CLECL1: variants seen among roughly 807,000 people sequenced by gnomAD.
CLECL1 encodes C-type lectin-like domain family 1.
intron 3 of CLECL1, among the ~76,000 whole-genome samples, chr12:9,723,707 AT>A (rs1325604214): frequency 6.6e-6 from 1 of 152,208 alleles, no homozygotes; most frequent in Non-Finnish European, 1.5e-5. Flanking sequence ...TGAAGAATCA[AT>A]TCCATAAAAT....
At chr12:9,727,599 A>G (rs1866395181) in exon 3 of CLECL1, among the ~76,000 whole-genome samples, 2 of 151,838 alleles carry the variant, frequency 1.3e-5, no homozygotes, top group Non-Finnish European at 3.0e-5. Context: ...TATTTTCCCC[A>G]GTACAGTTTT....
At chr12:9,711,881 T>C (rs1565478980), downstream of CLECL1, among the ~76,000 whole-genome samples, 1 of 152,212 alleles carries the variant, frequency 6.6e-6, no homozygotes, top group Non-Finnish European at 1.5e-5. Flanking sequence ...ATTCCTACAA[T>C]GATAGTTAAT....
the CLECL1 span, among the ~76,000 whole-genome samples, chr12:9,703,267 ATGT>A: frequency 6.6e-6 from 1 of 152,166 alleles, no homozygotes; most frequent in African/African-American, 2.4e-5. Flanking sequence ...CAGCTGTTAA[ATGT>A]TGTTCCTCCA....
downstream of CLECL1, chr12:9,722,575 C>G: frequency 6.6e-7 from 1 of 1,514,946 alleles, no homozygotes; most frequent in Non-Finnish European, 8.8e-7. Flanking sequence ...AGACTTTTGC[C>G]AAGTTTGTAG....
Position 9,732,946 on chromosome 12 carries a change from T to C in CLECL1, n.82+3A>G, listed in dbSNP as rs1866465678. 6.3e-7 allele frequency: 1 copy of C among 1,594,476 alleles called. No individual in the cohort carries two copies. Among genetic ancestry groups the C allele is most frequent in the Non-Finnish European group, 8.6e-7 (1 of 1,167,562 alleles). On this transcript the variant is annotated splice_donor_region_variant and intron_variant and non_coding_transcript_variant, in intron 1 of 3. Transcript: ENST00000621400. ...TCTCAAAGGCACCCTAAATCCAGCT[T>C]ACCAGATCTCTGAAGTGGAAACGCG...
chr12:9,728,765 A>G (rs1201669518), intron 2 of CLECL1, among the ~76,000 whole-genome samples: 1 of 151,950 alleles, frequency 6.6e-6, no homozygotes, highest in African/African-American at 2.4e-5. Context: ...TAGTTACATT[A>G]AAGTAGTTAA....
chr12:9,732,933 C>A lies in CLECL1; in HGVS notation n.82+16G>T, dbSNP rs1016617605. On this transcript the variant is annotated intron_variant and non_coding_transcript_variant, in intron 1 of 3. Transcript: ENST00000621400. ...GTAAAATCTTAATTCTCAAAGGCAC[C>A]CTAAATCCAGCTTACCAGATCTCTG... 8 of 1,569,660 alleles carry A rather than the reference C, an allele frequency of 5.1e-6. No individual in the cohort carries two copies. Among genetic ancestry groups the A allele is most frequent in the Admixed American group, 1.9e-5 (1 of 53,928 alleles).
At chr12:9,716,786 A>G (rs965493898) in intron 2 of CLECL1, 3 of 1,267,622 alleles carry the variant, frequency 2.4e-6, no homozygotes, top group Non-Finnish European at 3.1e-6. Context: ...TCTAGATTTG[A>G]GAGGAGAAAG....
exon 4 of CLECL1, chr12:9,722,755 A>G: frequency 1.9e-6 from 3 of 1,613,906 alleles, no homozygotes; most frequent in Non-Finnish European, 2.5e-6. Flanking sequence ...ATTTTCCCTT[A>G]TGCACCTTCC....
At chr12:9,719,975 T>C (rs1449463558), downstream of CLECL1, among the ~76,000 whole-genome samples, 1 of 152,166 alleles carries the variant, frequency 6.6e-6, no homozygotes, top group Non-Finnish European at 1.5e-5. Context: ...AGCATTCTCT[T>C]TTACTCCTTT....
At chr12:9,725,761 A>T (rs1203240894) in intron 3 of CLECL1, among the ~76,000 whole-genome samples, 1 of 152,114 alleles carries the variant, frequency 6.6e-6, no homozygotes, top group Non-Finnish European at 1.5e-5. Flanking sequence ...ATTAGGTTAA[A>T]CATATTGCTT....
downstream of CLECL1, among the ~76,000 whole-genome samples, chr12:9,722,120 A>G (rs1866320583): frequency 6.6e-6 from 1 of 152,238 alleles, no homozygotes; most frequent in African/African-American, 2.4e-5. Flanking sequence ...GTAATTTAAC[A>G]TGTACATTGA....
upstream of CLECL1, among the ~76,000 whole-genome samples, chr12:9,733,627 G>A (rs914696917): frequency 6.6e-6 from 1 of 152,006 alleles, no homozygotes; most frequent in Non-Finnish European, 1.5e-5. Flanking sequence ...GGTAAAACAT[G>A]AATTATGCAG....
intron 1 of CLECL1, among the ~76,000 whole-genome samples, chr12:9,732,606 A>G (rs1353092672): frequency 1.3e-5 from 2 of 152,234 alleles, no homozygotes; most frequent in Non-Finnish European, 2.9e-5. Context: ...ACATTATGTT[A>G]AAAGGTCAGA....
At chr12:9,728,535 C>G (rs1866408611) in intron 2 of CLECL1, among the ~76,000 whole-genome samples, 1 of 151,712 alleles carries the variant, frequency 6.6e-6, no homozygotes, top group Admixed American at 6.6e-5. Context: ...ACATCGTTGC[C>G]TTCTAGAGAA....
At chr12:9,703,224 A>C in the CLECL1 span, among the ~76,000 whole-genome samples, 1 of 152,200 alleles carries the variant, frequency 6.6e-6, no homozygotes, top group African/African-American at 2.4e-5. Context: ...CTATGAATGG[A>C]CAATCAAGAT....
In CLECL1 at chr12:9,732,809, G is replaced by A. The variant is rs367665023; in HGVS notation, n.82+140C>T. 35 of 613,272 alleles carry A rather than the reference G, an allele frequency of 5.7e-5. 1 individual carries two copies. Among genetic ancestry groups the A allele is most frequent in the East Asian group, 2.9e-4 (10 of 33,932 alleles). 38.0% of individuals were successfully genotyped at this position (613,272 alleles called of 1,614,324 possible). The stretch of plus-strand genomic sequence containing the variant: ...ACATTTTGCTTCATTAAAAACATTC[G>A]CTCTTATTCTTAGCATTCAATGAAT... On this transcript the variant is annotated intron_variant and non_coding_transcript_variant, in intron 1 of 3. Transcript: ENST00000621400.
At chr12:9,726,087 G>A (rs2401392) in intron 3 of CLECL1, among the ~76,000 whole-genome samples, 150,505 of 152,090 alleles carry the variant, frequency 0.99, 74,479 homozygotes, top group South Asian at 1. Flanking sequence ...TATGAATCCC[G>A]TTATTGAGGT....
At chr12:9,722,078 C>T (rs1866320113), downstream of CLECL1, among the ~76,000 whole-genome samples, 1 of 152,180 alleles carries the variant, frequency 6.6e-6, no homozygotes, top group Non-Finnish European at 1.5e-5. Flanking sequence ...TTCTAACATA[C>T]TGAGCCCCAT....
Sources: gnomAD v4.1 joint callset for allele counts (sites outside exome capture counted in the v4.1 genomes callset) on GRCh38, gnomAD v4.1.1 for gene constraint, MANE v1.5 for transcripts, NCBI Gene and HGNC (gene_info 2026-07-23, HGNC 2026-07-21) for gene names.